NBL1: variants seen among roughly 807,000 people sequenced by gnomAD.
The protein encoded by NBL1 is NBL1, DAN family BMP antagonist, also known as neuroblastoma suppressor of tumorigenicity 1.
NBL1 carries 9 observed loss-of-function variants against 16.0 expected under a neutral mutation model. That is an observed-to-expected ratio of 0.56 (90% confidence interval 0.34 to 0.98). The LOEUF (loss-of-function observed/expected upper bound fraction) is 0.98, where lower values mean the gene tolerates loss of function less well. Ranked by LOEUF, NBL1 falls within the 50% of genes least tolerant of loss-of-function variation. The pLI is 0.02. For missense variants in NBL1, 196 were observed against 243.1 expected (o/e 0.81, Z 1.29); for synonymous variants, 86 against 100.7 (o/e 0.85, Z 0.87).
chr1:19,645,889 C>T, intron 1 of NBL1: 22 of 1,543,836 alleles, frequency 1.4e-5, no homozygotes, highest in Non-Finnish European at 1.7e-5. Flanking sequence ...CCTCAAGGGT[C>T]GGAGGCTGCC....
Position 19,657,127 on chromosome 1 carries a change from T to A in NBL1, c.544T>A (p.Ter182ArgextTer43), listed in dbSNP as rs761592651. ...CACAGAGGAAGAGGGGGCTGAGGAC[T>A]GAGGCCCCCCCAACTCTTCCTCCCC... is the stretch of plus-strand genomic sequence containing the variant. Reference protein sequence around the residue: ...PHTEEEGAED* With the variant: ...PHTEEEGAEDR The change falls in exon 4 of 4, where the codon TGA (stop) becomes AGA (arginine). Residue 182 changes from the stop codon to arginine, a stop_lost. Coordinates refer to ENST00000375136, the MANE Select transcript of NBL1 (RefSeq NM_005380.8). 7.3e-7 allele frequency: 1 copy of A among 1,376,572 alleles called. No individual in the cohort carries two copies. Among genetic ancestry groups the A allele is most frequent in the Non-Finnish European group, 9.8e-7 (1 of 1,022,822 alleles). The allele number at this position is 1,376,572 out of a possible 1,614,324, so 85.3% of individuals were successfully genotyped here.
At chr1:19,656,180 G>T (rs1241652184) in intron 3 of NBL1, among the ~76,000 whole-genome samples, 1 of 152,074 alleles carries the variant, frequency 6.6e-6, no homozygotes, top group East Asian at 1.9e-4. Context: ...AGCTGGCACA[G>T]GGTAGGCGCT....
chr1:19,647,619 C>T (rs200460535), intron 1 of NBL1: 171 of 985,442 alleles, frequency 1.7e-4, no homozygotes, highest in East Asian at 1.7e-3. Context: ...ACAAACGCTG[C>T]GTGCTCGTTG....
At chr1:19,655,859 C>A (rs55976853) in intron 3 of NBL1, among the ~76,000 whole-genome samples, 5,840 of 152,300 alleles carry the variant, frequency 0.038, 136 homozygotes, top group South Asian at 0.063. Context: ...GCACCTGCTC[C>A]GTTCGCTTCT....
intron 1 of NBL1, among the ~76,000 whole-genome samples, chr1:19,646,940 C>T (rs1004032025): frequency 6.6e-6 from 1 of 152,204 alleles, no homozygotes; most frequent in African/African-American, 2.4e-5. Flanking sequence ...AGCCTCAGGA[C>T]CTGCCGAGGA....
chr1:19,654,103 C>A (rs1044591740), intron 1 of NBL1, among the ~76,000 whole-genome samples: 1 of 152,164 alleles, frequency 6.6e-6, no homozygotes, highest in Non-Finnish European at 1.5e-5. Context: ...TCTGGCCAGC[C>A]AAGGTGGCCC....
At chr1:19,644,150 C>T (rs961462346), upstream of NBL1, 152 of 979,996 alleles carry the variant, frequency 1.6e-4, no homozygotes, top group African/African-American at 2.6e-3. This position sits in a 1 kb window ranked among gnomAD's most constrained non-coding sequence, Gnocchi z 4.6. Flanking sequence ...GCCCCTGCCG[C>T]CGCGGCGCCC....
rs1250857608 is a variant in NBL1 at position 19,644,382 on chromosome 1, G to A, written c.-84G>A. 6 of 978,536 alleles carry A rather than the reference G, an allele frequency of 6.1e-6. No homozygotes were observed. The highest frequency in any genetic ancestry group is 5.3e-5 in the African/African-American group (3 of 56,488). The allele number at this position is 978,536 out of a possible 1,614,324, so 60.6% of individuals were successfully genotyped here. ...CCCGCCCTGCCGGCCGCCTCGCCGAGCCTCCTGGGGCGCCCGGGCCCGCGA... is the reference window on the plus strand; with the variant it reads ...CCCGCCCTGCCGGCCGCCTCGCCGAACCTCCTGGGGCGCCCGGGCCCGCGA... On this transcript the variant is annotated 5_prime_UTR_variant, in exon 1 of 4. Transcript: ENST00000375136. This position sits in a 1 kb window ranked among gnomAD's most constrained non-coding sequence, Gnocchi z 4.6.
chr1:19,653,335 A>G (rs1261660060), intron 1 of NBL1, among the ~76,000 whole-genome samples: 1 of 148,726 alleles, frequency 6.7e-6, no homozygotes, highest in Non-Finnish European at 1.5e-5. Flanking sequence ...TCCATGGCCC[A>G]TGGTAGGATT....
chr1:19,643,308 C>A, upstream of NBL1: 1 of 1,613,736 alleles, frequency 6.2e-7, no homozygotes, highest in Non-Finnish European at 8.5e-7. The surrounding 1 kb of genome is among the most constrained non-coding windows in gnomAD (Gnocchi z 4.7). Context: ...AGGAGCCACC[C>A]AGGATGCCCG....
chr1:19,648,285 G>A (rs1179895108), intron 1 of NBL1, among the ~76,000 whole-genome samples: 2 of 152,142 alleles, frequency 1.3e-5, no homozygotes, highest in East Asian at 3.9e-4. Flanking sequence ...CAGGCAGTGG[G>A]CTGGGGGGCC....
At chr1:19,656,660 A>G (rs2095058204) in intron 3 of NBL1, among the ~76,000 whole-genome samples, 1 of 151,902 alleles carries the variant, frequency 6.6e-6, no homozygotes, top group Admixed American at 6.6e-5. Context: ...ATGGGTGGGA[A>G]GGTGGCAGGA....
chr1:19,643,234 T>TGCAGGCTGGGTGTGGAGGGTGCGA, upstream of NBL1: 1 of 1,401,516 alleles, frequency 7.1e-7, no homozygotes, highest in Non-Finnish European at 1.0e-6. The surrounding 1 kb of genome is among the most constrained non-coding windows in gnomAD (Gnocchi z 4.7). Context: ...GAGGCGCAGA[T>TGCAGGCTGGGTGTGGAGGGTGCGA]GCAGGCTGGG....
rs111402009 is a variant in NBL1 at position 19,651,981 on chromosome 1, G to A, written c.-19-3031G>A. On this transcript the variant is annotated intron_variant, in intron 1 of 3. Transcript: ENST00000375136. ...TAGTCTTGGACTCCTGAGTTCAAGT[G>A]GTCCTCCCGCTTTGGCCTCCCAAAG... 2.2e-3 allele frequency among the ~76,000 whole-genome samples: 334 copies of A among 152,212 alleles called. 3 individuals are homozygous for A. The highest frequency in any genetic ancestry group is 7.5e-3 in the African/African-American group (313 of 41,534).
rs531117777 is a variant in NBL1, at chr1:19,648,811, A to G, written c.-20+4365A>G. On this transcript the variant is annotated intron_variant, in intron 1 of 3. Coordinates refer to ENST00000375136, the MANE Select transcript of NBL1 (RefSeq NM_005380.8). ...GGTTGGGAAGACACTCACCTGTGCC[A>G]AGGACACCTCCTTTAAAGCCTCACG... 9.0e-4 allele frequency among the ~76,000 whole-genome samples: 137 copies of G among 152,202 alleles called. 1 individual carries two copies. Among genetic ancestry groups the G allele is most frequent in the African/African-American group, 3.2e-3 (132 of 41,524 alleles).
At chr1:19,643,915 G>T, upstream of NBL1, 1 of 986,822 alleles carries the variant, frequency 1.0e-6, no homozygotes. The surrounding 1 kb of genome is among the most constrained non-coding windows in gnomAD (Gnocchi z 4.7). Context: ...ATCCATCTTT[G>T]TCACCCCGAG....
chr1:19,653,626 A>G (rs2095039721), intron 1 of NBL1, among the ~76,000 whole-genome samples: 1 of 152,088 alleles, frequency 6.6e-6, no homozygotes, highest in Non-Finnish European at 1.5e-5. Context: ...GGCTCACTGC[A>G]CTCATTTTAC....
rs776840933 is a variant in NBL1 at position 19,656,970 on chromosome 1, C to T, written c.387C>T (p.His129=). ...AGGCCTGCGGCAAGGAGCCTAGTCACGAGGGGCTGAGCGTCTATGTGCAGG... is the reference window on the plus strand; with the variant it reads ...AGGCCTGCGGCAAGGAGCCTAGTCATGAGGGGCTGAGCGTCTATGTGCAGG... The part of the protein sequence containing the change: ...SCQACGKEPS[H]EGLSVYVQGE... Residue 129 remains histidine (H), a synonymous_variant, in exon 4 of 4, where the codon CAC becomes CAT. Transcript: ENST00000375136. 55 of 1,610,904 alleles carry T rather than the reference C, an allele frequency of 3.4e-5. No homozygotes were observed. Among genetic ancestry groups the T allele is most frequent in the African/African-American group, 2.0e-4 (15 of 74,854 alleles).
chr1:19,654,970 G>A, intron 1 of NBL1, 42 bp from the exon 2 acceptor site: 1 of 1,521,242 alleles, frequency 6.6e-7, no homozygotes, highest in Non-Finnish European at 8.8e-7. Context: ...CCGGCCCCCT[G>A]CACCTTGCTG....
Sources: gnomAD v4.1 joint callset for allele counts (sites outside exome capture counted in the v4.1 genomes callset) on GRCh38, gnomAD v4.1.1 for gene constraint, Gnocchi (gnomAD v3.1) non-coding constraint, MANE v1.5 for transcripts, NCBI Gene and HGNC (gene_info 2026-07-23, HGNC 2026-07-21) for gene names.